IMPG1: variants seen among roughly 807,000 people sequenced by gnomAD.
The protein encoded by IMPG1 is interphotoreceptor matrix proteoglycan 1, also known as interphotoreceptor matrix proteoglycan of 150 kDa.
In IMPG1, 85 loss-of-function variants were observed where a neutral mutation model predicts 92.0. That is an observed-to-expected ratio of 0.92 (90% confidence interval 0.78 to 1.11). The LOEUF (loss-of-function observed/expected upper bound fraction) is 1.11. IMPG1 is among the 50% of genes least tolerant of loss of function. IMPG1 has a pLI of 0.00. For synonymous variants in IMPG1, 367 were observed against 334.1 expected (o/e 1.10, Z -1.08); for missense variants, 1,022 against 956.0 (o/e 1.07, Z -0.91).
intron 9 of IMPG1, 133 bp from the exon 10 acceptor site, chr6:76,005,667 C>T: frequency 1.3e-6 from 1 of 788,616 alleles, no homozygotes; most frequent in Non-Finnish European, 2.1e-6. Context: ...GAATATCCCA[C>T]TTTAAAACAT....
chr6:76,041,141 T>C (rs1218917901), intron 2 of IMPG1, among the ~76,000 whole-genome samples: 4 of 152,140 alleles, frequency 2.6e-5, no homozygotes, highest in African/African-American at 7.2e-5. Context: ...AAAGATTTGT[T>C]TTTTTTTCTT....
At chr6:76,027,303 G>A (rs532493563) in intron 4 of IMPG1, among the ~76,000 whole-genome samples, 4 of 152,132 alleles carry the variant, frequency 2.6e-5, no homozygotes, top group Non-Finnish European at 5.9e-5. Flanking sequence ...TTCACAATAG[G>A]TAAGGCCTGG....
rs201518863 is a variant in IMPG1, at chr6:75,999,089, TC to T, written c.1291+3828del. The stretch of plus-strand genomic sequence containing the variant: ...CCAGGCTGGTCTCGAACTCCTGACC[TC>T]AAGGGATCTGCCTGCCTCGGCCTCC... On this transcript the variant is annotated intron_variant, in intron 12 of 16. Transcript: ENST00000369950. Among the ~76,000 whole-genome samples, 918 of 152,244 alleles carry T rather than the reference TC, an allele frequency of 6.0e-3. 35 individuals carry two copies. The East Asian group carries it at 0.098, about 16-fold the overall frequency.
chr6:75,949,592 C>G (rs1369055616), intron 13 of IMPG1, among the ~76,000 whole-genome samples: 2 of 152,160 alleles, frequency 1.3e-5, no homozygotes, highest in Admixed American at 6.5e-5. Context: ...TCACTTTGCA[C>G]TGTGGACTTG....
chr6:75,938,434 A>G (rs1021522094), intron 14 of IMPG1, among the ~76,000 whole-genome samples: 1 of 152,234 alleles, frequency 6.6e-6, no homozygotes, highest in Non-Finnish European at 1.5e-5. Flanking sequence ...ACTTAATTGG[A>G]ATTTGTTTTA....
intron 8 of IMPG1, among the ~76,000 whole-genome samples, chr6:76,008,706 T>A (rs1783134968): frequency 6.6e-6 from 1 of 152,204 alleles, no homozygotes; most frequent in Admixed American, 6.6e-5. Flanking sequence ...AATTTTTAAA[T>A]AATTGTTTTG....
At chr6:75,926,659 G>T (rs1781557891) in intron 15 of IMPG1, among the ~76,000 whole-genome samples, 1 of 152,162 alleles carries the variant, frequency 6.6e-6, no homozygotes, top group Non-Finnish European at 1.5e-5. Context: ...TACTCTGTTA[G>T]ATTTAGATTT....
chr6:75,957,619 G>C (rs1582066635), intron 12 of IMPG1, among the ~76,000 whole-genome samples: 2 of 152,200 alleles, frequency 1.3e-5, no homozygotes, highest in East Asian at 3.8e-4. Flanking sequence ...ATTTAGGATA[G>C]TTAGCTCTCC....
At chr6:76,064,174 G>GCCATTCTAGGGGTAGAATGGAGGACAC in intron 1 of IMPG1, among the ~76,000 whole-genome samples, 1 of 152,106 alleles carries the variant, frequency 6.6e-6, no homozygotes, top group Non-Finnish European at 1.5e-5. Context: ...ATGGAGGACA[G>GCCATTCTAGGGGTAGAATGGAGGACAC]CCATTCTAGG....
At chr6:76,003,534 G>C (rs1465145322) in intron 11 of IMPG1, among the ~76,000 whole-genome samples, 2 of 151,970 alleles carry the variant, frequency 1.3e-5, no homozygotes. Context: ...ATTTCTGAAA[G>C]TCAAATAATA....
intron 12 of IMPG1, among the ~76,000 whole-genome samples, chr6:75,960,563 A>C (rs1782199005): frequency 6.6e-6 from 1 of 152,188 alleles, no homozygotes; most frequent in African/African-American, 2.4e-5. Flanking sequence ...ACCCTATTTA[A>C]ATGTGATTTT....
intron 12 of IMPG1, among the ~76,000 whole-genome samples, chr6:75,997,571 T>A (rs546843884): frequency 6.6e-6 from 1 of 152,258 alleles, no homozygotes; most frequent in South Asian, 2.1e-4. Context: ...GATGAAAGTA[T>A]TTACCAATAA....
intron 12 of IMPG1, among the ~76,000 whole-genome samples, chr6:75,966,944 G>A (rs528016202): frequency 2.0e-5 from 3 of 152,256 alleles, no homozygotes; most frequent in East Asian, 1.9e-4. Context: ...TTGTGAGGCC[G>A]AGGTGGGCAG....
At chr6:75,976,727 C>T (rs969213573) in intron 12 of IMPG1, among the ~76,000 whole-genome samples, 5 of 151,724 alleles carry the variant, frequency 3.3e-5, no homozygotes, top group East Asian at 1.9e-4. Context: ...CTGGCCAACA[C>T]GGTGAAACCT....
chr6:75,960,473 C>T (rs940410839), intron 12 of IMPG1, among the ~76,000 whole-genome samples: 3 of 152,068 alleles, frequency 2.0e-5, no homozygotes, highest in Non-Finnish European at 2.9e-5. Context: ...TTGGAACATA[C>T]GTTTACTAAA....
At chr6:76,038,302 G>A (rs959699354) in intron 2 of IMPG1, among the ~76,000 whole-genome samples, 1 of 152,206 alleles carries the variant, frequency 6.6e-6, no homozygotes, top group Non-Finnish European at 1.5e-5. Flanking sequence ...CTTCTTTCTA[G>A]AGCATAATGT....
intron 14 of IMPG1, among the ~76,000 whole-genome samples, chr6:75,932,730 C>T (rs191773328): frequency 5.1e-4 from 77 of 151,912 alleles, no homozygotes; most frequent in African/African-American, 1.7e-3. Context: ...GATGGAGTCT[C>T]GCTCTTATTC....
At chr6:76,026,313 C>T (rs181106665) in intron 4 of IMPG1, among the ~76,000 whole-genome samples, 10 of 152,176 alleles carry the variant, frequency 6.6e-5, no homozygotes, top group Non-Finnish European at 1.5e-4. Flanking sequence ...TGGCGCCCAA[C>T]GTGGGGCTCG....
chr6:76,057,411 A>C lies in IMPG1; in HGVS notation c.67+15011T>G, dbSNP rs547267868. Reference sequence around the variant, plus strand: ...TTGTGCACCAGAGGTTGGGATGTGCAGTGGGGAAGAGATTCAAATCTGCTT... The same window carrying C: ...TTGTGCACCAGAGGTTGGGATGTGCCGTGGGGAAGAGATTCAAATCTGCTT... On this transcript the variant is annotated intron_variant, in intron 1 of 16. Transcript: ENST00000369950. 3.9e-5 allele frequency among the ~76,000 whole-genome samples: 6 copies of C among 152,282 alleles called. No individual in the cohort carries two copies. In the South Asian group the frequency reaches 1.2e-3, roughly 32 times the overall value.
Sources: gnomAD v4.1 joint callset for allele counts (sites outside exome capture counted in the v4.1 genomes callset) on GRCh38, gnomAD v4.1.1 for gene constraint, MANE v1.5 for transcripts, NCBI Gene and HGNC (gene_info 2026-07-23, HGNC 2026-07-21) for gene names.